The following PRMT1 variants were observed in gnomAD, a reference collection of about 807,000 sequenced individuals.
The protein encoded by PRMT1 is protein arginine N-methyltransferase 1.
In PRMT1, 5 loss-of-function variants were observed where a neutral mutation model predicts 47.4. The observed-to-expected ratio is 0.11, with a 90% CI of 0.06 to 0.22. The LOEUF is 0.22. PRMT1 is among the 10% of genes least tolerant of loss of function. PRMT1 has a pLI of 1.00. For synonymous variants in PRMT1, 227 were observed against 204.6 expected, an observed-to-expected ratio of 1.11 and a Z score of -0.94; for missense variants, 249 against 518.4, an observed-to-expected ratio of 0.48 and a Z score of 5.05.
Position 49,684,433 on chromosome 19 carries a change from C to T in PRMT1, c.556-321C>T, listed in dbSNP as rs140341917. Among the ~76,000 whole-genome samples, 131 of 152,146 alleles carry T rather than the reference C, an allele frequency of 8.6e-4. No individual in the cohort carries two copies. Among genetic ancestry groups the T allele is most frequent in the East Asian group, 5.0e-3 (26 of 5,156 alleles). ...GCCCGTGTGGAAGGAGGGTCTAGAA[C>T]GGCAGCAGGAGGAGGAGTGGAGGTG... is the stretch of plus-strand genomic sequence containing the variant. On this transcript the variant is annotated intron_variant, in intron 6 of 10. Transcript: ENST00000454376. This position sits in a 1 kb window ranked among gnomAD's most constrained non-coding sequence, Gnocchi z 6.2.
chr19:49,687,158 G>A (rs2123016630), intron 10 of PRMT1, among the ~76,000 whole-genome samples: 1 of 152,236 alleles, frequency 6.6e-6, no homozygotes, highest in African/African-American at 2.4e-5. Context: ...CAGCTGGGAG[G>A]CATGAGAGGA....
chr19:49,679,967 A>ACAT, intron 2 of PRMT1, 42 bp downstream of exon 2: 1 of 1,550,262 alleles, frequency 6.5e-7, no homozygotes, highest in Non-Finnish European at 8.9e-7. Context: ...CCTGACCTCC[A>ACAT]CATCAATATA....
In PRMT1 at chr19:49,685,127, A is replaced by G; in HGVS notation, c.759+90A>G. On this transcript the variant is annotated intron_variant, in intron 8 of 10. Coordinates refer to ENST00000454376, the MANE Select transcript of PRMT1 (RefSeq NM_001536.6). This position sits in a 1 kb window ranked among gnomAD's most constrained non-coding sequence, Gnocchi z 4.7. ...CTGGCATGGGACTTTGGGGCCCAGA[A>G]TGTTGGCCTGAGGTCTCAGAGCCTG... 6.3e-7 allele frequency: 1 copy of G among 1,584,546 alleles called. No individual in the cohort carries two copies. Among genetic ancestry groups the G allele is most frequent in the Non-Finnish European group, 8.6e-7 (1 of 1,165,366 alleles).
intron 1 of PRMT1, chr19:49,679,518 TGGA>T (rs1222556425): frequency 7.1e-6 from 4 of 565,090 alleles, no homozygotes; most frequent in South Asian, 1.5e-5. Context: ...TCACCTAATC[TGGA>T]GGAGATTAGG....
In PRMT1 at chr19:49,680,823, G is replaced by A. The variant is rs2082107314; in HGVS notation, c.192+235G>A. Among the ~76,000 whole-genome samples the A allele has an allele frequency of 6.6e-6, 1 of 152,222 alleles. No homozygotes were observed. Among genetic ancestry groups the A allele is most frequent in the Non-Finnish European group, 1.5e-5 (1 of 68,022 alleles). Reference sequence around the variant, plus strand: ...AAGGCTGGGGTGGGAGAGCGCATGCGTGCCTGGGGCCTTAGCCAGAGGTCG... The same window carrying A: ...AAGGCTGGGGTGGGAGAGCGCATGCATGCCTGGGGCCTTAGCCAGAGGTCG... On this transcript the variant is annotated intron_variant, in intron 3 of 10. Coordinates refer to ENST00000454376, the MANE Select transcript of PRMT1 (RefSeq NM_001536.6). This position sits in a 1 kb window ranked among gnomAD's most constrained non-coding sequence, Gnocchi z 4.2.
Position 49,680,113 on chromosome 19 carries a change from C to G in PRMT1, c.90+188C>G, listed in dbSNP as rs767553126. On this transcript the variant is annotated intron_variant, in intron 2 of 10. Transcript: ENST00000454376. The surrounding 1 kb of genome is among the most constrained non-coding windows in gnomAD (Gnocchi z 4.2). ...CCCCGCTGGCCTCCCCCAGTATCGC[C>G]GCTACTTCCTTAACTCCACCTCCAA... 3 of 1,152,016 alleles carry G rather than the reference C, an allele frequency of 2.6e-6. No homozygotes were observed. Among genetic ancestry groups the G allele is most frequent in the Non-Finnish European group, 3.8e-6 (3 of 787,358 alleles). 71.4% of individuals were successfully genotyped at this position (1,152,016 alleles called of 1,614,324 possible). A position where few individuals can be genotyped will look rare whatever the true frequency, so the allele number is the denominator to read the frequency against.
Position 49,685,641 on chromosome 19 carries a change from T to C in PRMT1, c.760-452T>C. ...ACCGGGGGATCCTGTCGGGGAGGAG[T>C]AAGTTGTTGAGTGGGGGAGGAGAGG... On this transcript the variant is annotated intron_variant, in intron 8 of 10. Transcript: ENST00000454376. This position sits in a 1 kb window ranked among gnomAD's most constrained non-coding sequence, Gnocchi z 4.7. The C allele has an allele frequency of 1.0e-6, 1 of 1,000,642 alleles. No homozygotes were observed. Among genetic ancestry groups the C allele is most frequent in the Non-Finnish European group, 1.2e-6 (1 of 843,618 alleles). The allele number at this position is 1,000,642 out of a possible 1,614,324, so 62.0% of individuals were successfully genotyped here.
chr19:49,686,558 T>C (rs770918615), intron 9 of PRMT1, 47 bp from the exon 10 acceptor site: 3 of 635,376 alleles, frequency 4.7e-6, no homozygotes, highest in Non-Finnish European at 7.3e-6. Flanking sequence ...AGGGTGGGGT[T>C]GGGGGGGGCA....
intron 9 of PRMT1, 116 bp from the exon 10 acceptor site, chr19:49,686,489 T>A: frequency 8.1e-7 from 1 of 1,227,610 alleles, no homozygotes; most frequent in Non-Finnish European, 1.1e-6. Context: ...GGGAGGTGAC[T>A]CGCGGATAGC....
upstream of PRMT1, chr19:49,677,176 G>T (rs2082046304): frequency 9.7e-6 from 11 of 1,130,262 alleles, 1 homozygote; most frequent in Non-Finnish European, 1.3e-5. Context: ...CTTCCAGCGG[G>T]GTCGCGGTAG....
At chr19:49,687,544 T>G in intron 10 of PRMT1, among the ~76,000 whole-genome samples, 2 of 143,690 alleles carry the variant, frequency 1.4e-5, no homozygotes, top group Admixed American at 6.9e-5. Context: ...CCACCGTCTG[T>G]GGAAACATTT....
chr19:49,679,783 AC>A lies in PRMT1; in HGVS notation c.37-83del, dbSNP rs949276440. On this transcript the variant is annotated intron_variant, in intron 1 of 10. Transcript: ENST00000454376. ...CAAGAAGGAGAATTGCTGGAAACCC[AC>A]CCCCCGGCCAGAGCCCAGGTTCCGC... 5.4e-5 allele frequency: 51 copies of A among 951,302 alleles called. No individual in the cohort carries two copies. In the African/African-American group the frequency reaches 6.4e-4, roughly 12 times the overall value. 58.9% of individuals were successfully genotyped at this position (951,302 alleles called of 1,614,324 possible).
intron 1 of PRMT1, 42 bp downstream of exon 1, chr19:49,677,358 G>A: frequency 7.3e-7 from 1 of 1,366,318 alleles, no homozygotes; most frequent in East Asian, 2.8e-5. Context: ...GGCGGCTTTG[G>A]GTCGGTGTTT....
rs879690997 is a variant in PRMT1 at position 49,680,722 on chromosome 19, CT to C, written c.192+136del. ...CGCCCCCCTGCCCCTCTGCTGCGCA[CT>C]TCCTAGGGTCGCCTCGCCAAGCCGT... On this transcript the variant is annotated intron_variant, in intron 3 of 10. Transcript: ENST00000454376. This position sits in a 1 kb window ranked among gnomAD's most constrained non-coding sequence, Gnocchi z 4.2. 3 of 723,852 alleles carry C rather than the reference CT, an allele frequency of 4.1e-6. No individual in the cohort carries two copies. Among genetic ancestry groups the C allele is most frequent in the South Asian group, 1.7e-5 (1 of 60,048 alleles). The allele number at this position is 723,852 out of a possible 1,614,324, so 44.8% of individuals were successfully genotyped here. A position where few individuals can be genotyped will look rare whatever the true frequency, so the allele number is the denominator to read the frequency against.
At position 49,683,967 on chromosome 19, in the gene PRMT1, C is replaced by T. The variant is rs1050539707; in HGVS notation, c.453C>T (p.Leu151=). The T allele has an allele frequency of 6.2e-7, 1 of 1,613,892 alleles. No individual in the cohort carries two copies. The highest frequency in any genetic ancestry group is 8.5e-7 in the Non-Finnish European group (1 of 1,179,980). ...AGGGGAAGGTGGAGGAGGTGGAGCTCCCAGTGGAGAAGGTGGACATCATCA... is the reference window on the plus strand; with the variant it reads ...AGGGGAAGGTGGAGGAGGTGGAGCTTCCAGTGGAGAAGGTGGACATCATCA... ...IIKGKVEEVE[L]PVEKVDIIIS... The change falls in exon 6 of 11, where the codon CTC becomes CTT. Residue 151 remains leucine (L), a synonymous_variant. Coordinates refer to ENST00000454376, the MANE Select transcript of PRMT1 (RefSeq NM_001536.6).
Position 49,683,934 on chromosome 19 carries a change from C to G in PRMT1, c.420C>G (p.Thr140=), listed in dbSNP as rs1299996449. Residue 140 remains threonine, a synonymous_variant, in exon 6 of 11, where the codon ACC becomes ACG. Transcript: ENST00000454376. ...ACCCTTGTCCGCCCGCAGTGGTGAC[C>G]ATCATCAAGGGGAAGGTGGAGGAGG... ...VKANKLDHVV[T]IIKGKVEEVE... The G allele has an allele frequency of 6.2e-7, 1 of 1,613,416 alleles. No individual in the cohort carries two copies. Among genetic ancestry groups the G allele is most frequent in the Non-Finnish European group, 8.5e-7 (1 of 1,179,742 alleles).
Position 49,681,810 on chromosome 19 carries a change from G to C in PRMT1, c.193-100G>C. ...GAAACTGAGGTGCATGGAAGAAAGC[G>C]AGAGGGCCGAGCTCTGGCCCTCCGA... On this transcript the variant is annotated intron_variant, in intron 3 of 10. Transcript: ENST00000454376. The surrounding 1 kb of genome is among the most constrained non-coding windows in gnomAD (Gnocchi z 4.4). The C allele has an allele frequency of 8.7e-7, 1 of 1,144,500 alleles. No individual in the cohort carries two copies. The highest frequency in any genetic ancestry group is 1.2e-6 in the Non-Finnish European group (1 of 839,928). The allele number at this position is 1,144,500 out of a possible 1,614,324, so 70.9% of individuals were successfully genotyped here.
intron 1 of PRMT1, 60 bp downstream of exon 1, chr19:49,677,376 CTG>C (rs2082050158): frequency 7.5e-7 from 1 of 1,333,418 alleles, no homozygotes; most frequent in African/African-American, 1.5e-5. Flanking sequence ...TTTCACGCCT[CTG>C]TGGTGGGGAA....
In PRMT1 at chr19:49,680,573, C is replaced by T; in HGVS notation, c.177C>T (p.His59=). Reference sequence around the variant, plus strand: ...ATTACTACTTTGACTCCTACGCACACTTTGGCATCCACGAGGTCAGTGGGG... The same window carrying T: ...ATTACTACTTTGACTCCTACGCACATTTTGGCATCCACGAGGTCAGTGGGG... ...SKDYYFDSYA[H]FGIHEEMLKD... is the part of the protein sequence containing the mutation. The change falls in exon 3 of 11, where the codon CAC becomes CAT. Residue 59 remains histidine, a synonymous_variant. Coordinates refer to ENST00000454376, the MANE Select transcript of PRMT1 (RefSeq NM_001536.6). The surrounding 1 kb of genome is among the most constrained non-coding windows in gnomAD (Gnocchi z 4.2). 6.2e-7 allele frequency: 1 copy of T among 1,613,342 alleles called. No homozygotes were observed. The highest frequency in any genetic ancestry group is 2.2e-5 in the East Asian group (1 of 44,878).
Sources: gnomAD v4.1 joint callset for allele counts (sites outside exome capture counted in the v4.1 genomes callset) on GRCh38, gnomAD v4.1.1 for gene constraint, Gnocchi (gnomAD v3.1) non-coding constraint, MANE v1.5 for transcripts, NCBI Gene and HGNC (gene_info 2026-07-23, HGNC 2026-07-21) for gene names.